Variants in SSBP2 observed in about 807,000 individuals in gnomAD.
The protein encoded by SSBP2 is single-stranded DNA-binding protein 2.
In SSBP2, 17 loss-of-function variants were observed where a neutral mutation model predicts 61.8. The ratio of observed to expected loss-of-function variants is 0.28; its 90% confidence interval spans 0.19 to 0.41. SSBP2 has a LOEUF of 0.41. Ranked by LOEUF, SSBP2 falls within the 10% of genes least tolerant of loss-of-function variation. The pLI, the probability that SSBP2 is intolerant of heterozygous loss-of-function variation, is 1.00. For missense variants in SSBP2, 310 were observed against 458.7 expected, an observed-to-expected ratio of 0.68 and a Z score of 2.96; for synonymous variants, 139 against 141.3, an observed-to-expected ratio of 0.98 and a Z score of 0.12.
intron 6 of SSBP2, among the ~76,000 whole-genome samples, chr5:81,475,712 C>T (rs187344315): frequency 2.5e-4 from 38 of 152,170 alleles, no homozygotes; most frequent in Admixed American, 6.5e-4. Context: ...TCTCCTCTCA[C>T]GAAGCTTACA....
chr5:81,636,505 G>C, intron 3 of SSBP2, 52 bp downstream of exon 3: 10 of 1,384,010 alleles, frequency 7.2e-6, no homozygotes, highest in Non-Finnish European at 1.0e-5. Flanking sequence ...TATAGTACAG[G>C]CCTATTGAAA....
chr5:81,609,925 G>C (rs935978415), intron 4 of SSBP2, among the ~76,000 whole-genome samples: 1 of 152,154 alleles, frequency 6.6e-6, no homozygotes, highest in Non-Finnish European at 1.5e-5. Flanking sequence ...GAAACCACCC[G>C]ATTCCAGGTA....
intron 5 of SSBP2, 104 bp downstream of exon 5, chr5:81,513,524 T>C (rs1006081397): frequency 1.3e-5 from 9 of 705,728 alleles, no homozygotes; most frequent in Admixed American, 7.2e-5. Flanking sequence ...CACATTATTA[T>C]TTACCTTAAA....
chr5:81,506,135 A>G (rs1768162819), intron 5 of SSBP2, among the ~76,000 whole-genome samples: 1 of 152,172 alleles, frequency 6.6e-6, no homozygotes, highest in African/African-American at 2.4e-5. Context: ...AGCAGCTGTT[A>G]GGCACCTTTG....
intron 5 of SSBP2, among the ~76,000 whole-genome samples, chr5:81,512,351 T>G (rs1366333512): frequency 6.6e-6 from 1 of 152,182 alleles, no homozygotes; most frequent in Non-Finnish European, 1.5e-5. Context: ...TAATACATAT[T>G]TTACATCTAG....
intron 1 of SSBP2, among the ~76,000 whole-genome samples, chr5:81,653,402 A>G (rs536758476): frequency 6.6e-6 from 1 of 152,322 alleles, no homozygotes; most frequent in East Asian, 1.9e-4. Context: ...GTGTTGCAAT[A>G]AACATATGTG....
intron 1 of SSBP2, among the ~76,000 whole-genome samples, chr5:81,736,369 A>G (rs1436731416): frequency 2.0e-5 from 3 of 152,192 alleles, no homozygotes; most frequent in Non-Finnish European, 4.4e-5. Context: ...TAGTTAATGA[A>G]TAAATGAATA....
At chr5:81,609,026 T>C (rs1432265420) in intron 4 of SSBP2, among the ~76,000 whole-genome samples, 1 of 152,144 alleles carries the variant, frequency 6.6e-6, no homozygotes, top group Admixed American at 6.5e-5. Flanking sequence ...GGAATTTGGA[T>C]AGAGGAGAAC....
At chr5:81,650,361 T>C in intron 1 of SSBP2, 22 bp from the exon 2 acceptor site, 1 of 1,454,832 alleles carries the variant, frequency 6.9e-7, no homozygotes, top group Non-Finnish European at 9.3e-7. Flanking sequence ...ATAAAATATT[T>C]ATTGAGAAGA....
chr5:81,434,633 C>CAAAAAAAA (rs34269591), intron 15 of SSBP2, among the ~76,000 whole-genome samples: 5 of 42,988 alleles, frequency 1.2e-4, no homozygotes, highest in Admixed American at 3.2e-4. Context: ...ACTCTTGACT[C>CAAAAAAAA]AAAAAAAAAA....
chr5:81,437,727 A>T, intron 14 of SSBP2: 1 of 243,300 alleles, frequency 4.1e-6, no homozygotes, highest in Non-Finnish European at 8.0e-6. Context: ...TAGATTCCTA[A>T]ATGTGAAATT....
intron 3 of SSBP2, among the ~76,000 whole-genome samples, chr5:81,630,451 T>C (rs1747592975): frequency 1.3e-5 from 2 of 152,092 alleles, no homozygotes; most frequent in South Asian, 4.1e-4. Flanking sequence ...TTCAAAACTA[T>C]TAAGAATCAT....
intron 10 of SSBP2, among the ~76,000 whole-genome samples, chr5:81,453,317 C>CA (rs375352571): frequency 4.4e-4 from 65 of 148,990 alleles, no homozygotes; most frequent in African/African-American, 1.5e-3. Context: ...CCCACCCCAC[C>CA]AAAAAAAAGA....
chr5:81,472,151 C>A (rs1452160321), intron 8 of SSBP2, among the ~76,000 whole-genome samples: 1 of 152,112 alleles, frequency 6.6e-6, no homozygotes, highest in African/African-American at 2.4e-5. Context: ...TTTTAACCAG[C>A]TTTATGACAT....
chr5:81,443,102 T>C (rs950464351), intron 12 of SSBP2: 2 of 152,898 alleles, frequency 1.3e-5, no homozygotes, highest in Admixed American at 6.5e-5. Flanking sequence ...TTCAGTTTTA[T>C]TTCCTTAAGT....
At chr5:81,500,035 T>C (rs1304638002) in intron 5 of SSBP2, among the ~76,000 whole-genome samples, 1 of 152,228 alleles carries the variant, frequency 6.6e-6, no homozygotes, top group Non-Finnish European at 1.5e-5. Flanking sequence ...GAAACTGGCC[T>C]ATGGGCTTGA....
chr5:81,474,520 C>T lies in SSBP2; in HGVS notation c.475G>A (p.Gly159Arg). 1 of 1,612,238 alleles carries T rather than the reference C, an allele frequency of 6.2e-7. No homozygotes were observed. Among genetic ancestry groups the T allele is most frequent in the Non-Finnish European group, 8.5e-7 (1 of 1,178,928 alleles). The change falls in exon 7 of 17, where the codon GGA becomes AGA. Residue 159 changes from glycine to arginine, a missense_variant. Transcript: ENST00000320672. ...CCTTGTTGTCGAGTTGGATCCATTC[C>T]ACTGGGGAGTAATGGCTGACTTCCT...
At chr5:81,710,088 C>A (rs1347597) in intron 1 of SSBP2, among the ~76,000 whole-genome samples, 1 of 151,802 alleles carries the variant, frequency 6.6e-6, no homozygotes, top group East Asian at 1.9e-4. Context: ...AGAAAAAAAA[C>A]CAAGAGAGTG....
intron 4 of SSBP2, among the ~76,000 whole-genome samples, chr5:81,567,725 A>G (rs1426084255): frequency 1.3e-5 from 2 of 152,210 alleles, no homozygotes; most frequent in Non-Finnish European, 2.9e-5. Flanking sequence ...CTGCAAAACC[A>G]CAGGGGCAGA....
Sources: gnomAD v4.1 joint callset for allele counts (sites outside exome capture counted in the v4.1 genomes callset) on GRCh38, gnomAD v4.1.1 for gene constraint, MANE v1.5 for transcripts, NCBI Gene and HGNC (gene_info 2026-07-23, HGNC 2026-07-21) for gene names.